Variants in GALNTL6 observed in about 807,000 individuals in gnomAD.
GALNTL6 encodes the protein polypeptide N-acetylgalactosaminyltransferase like 6, also known as polypeptide N-acetylgalactosaminyltransferase-like 6.
GALNTL6 carries 46 observed loss-of-function variants against 73.7 expected under a neutral mutation model. The ratio of observed to expected loss-of-function variants is 0.62; its 90% CI spans 0.49 to 0.80. GALNTL6 has a LOEUF of 0.80. Among genes scored for constraint, GALNTL6 ranks in the 30% least tolerant of loss-of-function variants. The pLI, the probability that GALNTL6 is intolerant of heterozygous loss-of-function variation, is 0.00. For missense variants in GALNTL6, 604 were observed against 755.0 expected (o/e 0.80, Z 2.34); for synonymous variants, 259 against 263.7 (o/e 0.98, Z 0.17).
chr4:172,411,429 G>A (rs890090992), intron 5 of GALNTL6, among the ~76,000 whole-genome samples: 3 of 152,074 alleles, frequency 2.0e-5, no homozygotes, highest in Admixed American at 6.6e-5. Flanking sequence ...TCTGGTTTTC[G>A]CCTGCAGAAT....
At chr4:172,260,350 A>T (rs1738216217) in intron 3 of GALNTL6, among the ~76,000 whole-genome samples, 1 of 150,340 alleles carries the variant, frequency 6.7e-6, no homozygotes, top group South Asian at 2.1e-4. Flanking sequence ...TTAATTATGT[A>T]TTTATTTTTG....
rs574492220 is a variant in GALNTL6 at position 172,744,118 on chromosome 4, G to A, written c.554-65243G>A. On this transcript the variant is annotated intron_variant, in intron 5 of 12. Transcript: ENST00000506823. ...GTAGAGATTCTATCAGTTGCCAAGT[G>A]CCTATCTCAATTATGCATTCAGAAG... Among the ~76,000 whole-genome samples, 4 of 129,558 alleles carry A rather than the reference G, an allele frequency of 3.1e-5. No individual in the cohort carries two copies. The South Asian group carries it at 1.2e-3, about 38-fold the overall frequency. The allele number at this position is 129,558 out of a possible 152,430, so 85.0% of individuals were successfully genotyped here.
intron 5 of GALNTL6, among the ~76,000 whole-genome samples, chr4:172,619,017 C>G (rs186716246): frequency 6.6e-5 from 10 of 152,132 alleles, no homozygotes; most frequent in Non-Finnish European, 1.3e-4. Context: ...CCACAGCACC[C>G]GACCAATCAC....
chr4:172,394,809 G>A (rs1188414636), intron 5 of GALNTL6, among the ~76,000 whole-genome samples: 1 of 152,066 alleles, frequency 6.6e-6, no homozygotes. Flanking sequence ...CTCCTGACAA[G>A]CAGATATTTA....
intron 2 of GALNTL6, among the ~76,000 whole-genome samples, chr4:171,992,290 A>G (rs150485795): frequency 6.6e-6 from 1 of 151,980 alleles, no homozygotes; most frequent in African/African-American, 2.4e-5. Context: ...ATGTTCCCTA[A>G]TCCTGAGTAT....
intron 2 of GALNTL6, among the ~76,000 whole-genome samples, chr4:172,158,520 A>G (rs1297127847): frequency 6.6e-6 from 1 of 152,114 alleles, no homozygotes; most frequent in African/African-American, 2.4e-5. Flanking sequence ...ATTTAAATAT[A>G]ATAGTGCTGC....
chr4:172,797,758 C>T (rs1380016473), intron 5 of GALNTL6, among the ~76,000 whole-genome samples: 2 of 151,694 alleles, frequency 1.3e-5, no homozygotes, highest in African/African-American at 4.8e-5. Context: ...AGGTAGATCT[C>T]GAACTCCTGA....
At chr4:172,075,707 T>A (rs2110911355) in intron 2 of GALNTL6, among the ~76,000 whole-genome samples, 1 of 152,138 alleles carries the variant, frequency 6.6e-6, no homozygotes, top group East Asian at 1.9e-4. Context: ...GTCAAAATAG[T>A]CATGGCATCT....
At chr4:172,561,404 A>G (rs1433873928) in intron 5 of GALNTL6, among the ~76,000 whole-genome samples, 2 of 151,752 alleles carry the variant, frequency 1.3e-5, no homozygotes, top group African/African-American at 4.8e-5. Flanking sequence ...GTTAATTTTT[A>G]TCTGTTAGAG....
At chr4:172,162,451 C>A (rs990671279) in intron 2 of GALNTL6, among the ~76,000 whole-genome samples, 1 of 151,820 alleles carries the variant, frequency 6.6e-6, no homozygotes, top group Non-Finnish European at 1.5e-5. Flanking sequence ...TCTGAAAAAA[C>A]TATTAAATAA....
chr4:172,896,842 T>A (rs1746358412), intron 8 of GALNTL6, among the ~76,000 whole-genome samples: 1 of 152,130 alleles, frequency 6.6e-6, no homozygotes, highest in East Asian at 1.9e-4. Context: ...AGTTTCCTGA[T>A]TGCCGCAGGA....
At chr4:172,227,811 C>T (rs780428663) in intron 2 of GALNTL6, among the ~76,000 whole-genome samples, 16 of 152,206 alleles carry the variant, frequency 1.1e-4, no homozygotes, top group Admixed American at 3.3e-4. Flanking sequence ...ATTAAGAATT[C>T]GCTATATTAC....
intron 5 of GALNTL6, among the ~76,000 whole-genome samples, chr4:172,446,773 A>C (rs561269113): frequency 9.2e-5 from 14 of 152,284 alleles, no homozygotes; most frequent in Middle Eastern, 3.4e-3. Flanking sequence ...CATAGCCTTC[A>C]TCATGTCCCC....
intron 5 of GALNTL6, among the ~76,000 whole-genome samples, chr4:172,463,327 T>G (rs1375289833): frequency 7.0e-6 from 1 of 143,580 alleles, no homozygotes; most frequent in African/African-American, 2.6e-5. Context: ...TCTCAGAAAA[T>G]GAGAGACAGA....
In GALNTL6 at chr4:171,818,145, C is replaced by A. The variant is rs892915277; in HGVS notation, c.138+3427C>A. On this transcript the variant is annotated intron_variant, in intron 2 of 12. Coordinates refer to ENST00000506823, the MANE Select transcript of GALNTL6 (RefSeq NM_001034845.3). Reference sequence around the variant, plus strand: ...CTGTTTAAACATTTGAAATGCTCCTCTTCTCTTGTTTCAGCTGTATTTGCA... The same window carrying A: ...CTGTTTAAACATTTGAAATGCTCCTATTCTCTTGTTTCAGCTGTATTTGCA... Among the ~76,000 whole-genome samples the A allele has an allele frequency of 1.3e-4, 19 of 151,760 alleles. 1 individual carries two copies. Among genetic ancestry groups the A allele is most frequent in the Admixed American group, 1.0e-3 (16 of 15,264 alleles).
chr4:172,035,137 A>C (rs1401308727), intron 2 of GALNTL6, among the ~76,000 whole-genome samples: 1 of 152,100 alleles, frequency 6.6e-6, no homozygotes, highest in East Asian at 1.9e-4. Context: ...TATGCTTATT[A>C]CCTGATATTT....
chr4:172,875,816 A>G (rs1056423113), intron 7 of GALNTL6, among the ~76,000 whole-genome samples: 7 of 151,916 alleles, frequency 4.6e-5, no homozygotes, highest in Admixed American at 2.0e-4. Flanking sequence ...CAGAGGGACA[A>G]AGCATCTTGG....
chr4:172,482,770 C>G (rs1733536404), intron 5 of GALNTL6, among the ~76,000 whole-genome samples: 1 of 152,202 alleles, frequency 6.6e-6, no homozygotes, highest in African/African-American at 2.4e-5. Context: ...ATCTTTTCCA[C>G]TGAAATTTAA....
intron 5 of GALNTL6, among the ~76,000 whole-genome samples, chr4:172,437,189 A>G (rs1731665744): frequency 6.6e-6 from 1 of 152,078 alleles, no homozygotes; most frequent in African/African-American, 2.4e-5. Context: ...GAGATCATAC[A>G]TTTGTCCCTG....
Sources: allele counts gnomAD v4.1 joint callset (sites outside exome capture counted in the v4.1 genomes callset), GRCh38; gene constraint gnomAD v4.1.1; transcripts MANE v1.5; gene names NCBI Gene and HGNC (gene_info 2026-07-23, HGNC 2026-07-21).